UBASH3B: variants seen among roughly 807,000 people sequenced by gnomAD.
UBASH3B encodes the protein ubiquitin-associated and SH3 domain-containing protein B.
UBASH3B carries 37 observed loss-of-function variants against 83.4 expected under a neutral mutation model. That is an observed-to-expected ratio of 0.44 (90% CI 0.34 to 0.58). The LOEUF (loss-of-function observed/expected upper bound fraction) is 0.58, where lower values mean the gene tolerates loss of function less well. Among genes scored for constraint, UBASH3B ranks in the 20% least tolerant of loss-of-function variants. The pLI, the probability that UBASH3B is intolerant of heterozygous loss-of-function variation, is 0.01. For missense variants in UBASH3B, 657 were observed against 827.2 expected (o/e 0.79, Z 2.52); for synonymous variants, 304 against 318.3 (o/e 0.96, Z 0.48).
chr11:122,767,497 G>A (rs534144624), intron 1 of UBASH3B, among the ~76,000 whole-genome samples: 1 of 152,148 alleles, frequency 6.6e-6, no homozygotes, highest in South Asian at 2.1e-4. Context: ...TTTTTTAGTA[G>A]AGACGAGGTT....
chr11:122,789,577 G>A (rs569881914), intron 6 of UBASH3B, among the ~76,000 whole-genome samples: 11 of 152,286 alleles, frequency 7.2e-5, no homozygotes, highest in East Asian at 1.9e-4. Flanking sequence ...TCTTCTGGCC[G>A]AAGAGTGGCA....
intron 1 of UBASH3B, among the ~76,000 whole-genome samples, chr11:122,710,157 A>G (rs1044963872): frequency 6.6e-5 from 10 of 151,652 alleles, no homozygotes; most frequent in Admixed American, 4.6e-4. Flanking sequence ...CTGTCTCAAA[A>G]AAAAAAAAAA....
At chr11:122,766,063 C>T (rs1033804750) in intron 1 of UBASH3B, among the ~76,000 whole-genome samples, 3 of 152,058 alleles carry the variant, frequency 2.0e-5, no homozygotes, top group African/African-American at 4.8e-5. Context: ...AGGGAAGAAG[C>T]GAAAGGAGAG....
Position 122,796,196 on chromosome 11 carries a change from G to A in UBASH3B, c.1154G>A (p.Cys385Tyr). ...AGCCAGCCCGGCCCCCAGAAGCGAT[G>A]CCTTTTTGTGTGTCGGCATGGTGAG... ...VNSQPGPQKR[C>Y]LFVCRHGERM... is the part of the protein sequence containing the mutation. The change falls in exon 8 of 14, where the codon TGC (cysteine) becomes TAC (tyrosine). Residue 385 changes from cysteine (C) to tyrosine (Y), a missense_variant. Around this residue, in one of 3 missense-constraint regions of UBASH3B, gnomAD observed 573 missense variants for 739.0 expected, o/e 0.78. Coordinates refer to ENST00000284273, the MANE Select transcript of UBASH3B (RefSeq NM_032873.5). 3.7e-6 allele frequency: 6 copies of A among 1,614,150 alleles called. No individual in the cohort carries two copies. Among genetic ancestry groups the A allele is most frequent in the Non-Finnish European group, 5.1e-6 (6 of 1,180,012 alleles).
intron 1 of UBASH3B, among the ~76,000 whole-genome samples, chr11:122,752,507 G>A (rs1370256340): frequency 1.3e-5 from 2 of 152,172 alleles, no homozygotes; most frequent in South Asian, 2.1e-4. Flanking sequence ...AAGGCTTCTC[G>A]CCTCAGGAAG....
rs2135145603 is a variant in UBASH3B at position 122,779,565 on chromosome 11, G to A, written c.471G>A (p.Lys157=). Residue 157 remains lysine, a synonymous_variant, in exon 4 of 14, where the codon AAG becomes AAA. Transcript: ENST00000284273. The stretch of plus-strand genomic sequence containing the variant: ...CCACGGTCAGTCGCTGGAAATGTAA[G>A]TTCTCGGCCCCGCTGCCCCTGGAGC... ...LQTTVSRWKC[K]FSAPLPLELY... The A allele has an allele frequency of 6.2e-7, 1 of 1,614,162 alleles. No homozygotes were observed. The highest frequency in any genetic ancestry group is 1.7e-5 in the Admixed American group (1 of 60,008).
intron 10 of UBASH3B, among the ~76,000 whole-genome samples, chr11:122,799,738 A>G (rs924752573): frequency 5.9e-5 from 9 of 152,078 alleles, no homozygotes; most frequent in African/African-American, 2.2e-4. Context: ...TTTTTTCTTT[A>G]CTTAATTAGA....
At chr11:122,744,884 TGTGTGTGTGTGTGTGC>T (rs1228311538) in intron 1 of UBASH3B, among the ~76,000 whole-genome samples, 1 of 135,978 alleles carries the variant, frequency 7.4e-6, no homozygotes, top group African/African-American at 2.7e-5. Context: ...TGTGTGTGTG[TGTGTGTGTGTGTGTGC>T]GCGCGCGCGC....
In UBASH3B at chr11:122,810,486, C is replaced by G. The variant is rs1314892072; in HGVS notation, c.*600C>G. 6.6e-6 allele frequency: 1 copy of G among 152,620 alleles called. No individual in the cohort carries two copies. The highest frequency in any genetic ancestry group is 1.5e-5 in the Non-Finnish European group (1 of 68,062). The allele number at this position is 152,620 out of a possible 1,614,324, so 9.5% of individuals were successfully genotyped here. On this transcript the variant is annotated 3_prime_UTR_variant, in exon 14 of 14. Transcript: ENST00000284273. ...CCGCTTAAGGATGCTAACATTTACC[C>G]TGGTACTGCCACATTTTCTCTAGAG... is the stretch of plus-strand genomic sequence containing the variant.
intron 1 of UBASH3B, among the ~76,000 whole-genome samples, chr11:122,744,871 C>CTGTGTGTGTGTGTGTGTGTGTGTGTGTG (rs1472956565): frequency 3.8e-5 from 1 of 26,012 alleles, no homozygotes; most frequent in African/African-American, 1.7e-4. Context: ...ACATGTGTGA[C>CTGTGTGTGTGTGTGTGTGTGTGTGTGTG]TCTGTGTGTG....
intron 1 of UBASH3B, among the ~76,000 whole-genome samples, chr11:122,746,271 C>G (rs1017662001): frequency 6.6e-6 from 1 of 152,144 alleles, no homozygotes; most frequent in Admixed American, 6.5e-5. Context: ...GAAACTCACA[C>G]GTCTATGGGT....
chr11:122,695,066 C>T (rs892225962), intron 1 of UBASH3B, among the ~76,000 whole-genome samples: 6 of 142,190 alleles, frequency 4.2e-5, no homozygotes, highest in Admixed American at 1.5e-4. Flanking sequence ...CGGGTTCAAG[C>T]GATTCTCCTG....
At chr11:122,730,837 C>T (rs1445590789) in intron 1 of UBASH3B, among the ~76,000 whole-genome samples, 5 of 152,218 alleles carry the variant, frequency 3.3e-5, no homozygotes, top group Admixed American at 6.5e-5. Context: ...TCAGGTGATC[C>T]GCCCGCCTCG....
intron 1 of UBASH3B, among the ~76,000 whole-genome samples, chr11:122,760,275 G>A (rs879307737): frequency 2.6e-5 from 4 of 152,126 alleles, no homozygotes; most frequent in Non-Finnish European, 5.9e-5. Context: ...GCAAGTGAGT[G>A]TTAAAGGATA....
chr11:122,696,272 G>A (rs1040245463), intron 1 of UBASH3B, among the ~76,000 whole-genome samples: 2 of 151,684 alleles, frequency 1.3e-5, no homozygotes, highest in African/African-American at 4.8e-5. Context: ...TAATTTCTCG[G>A]TAATAAGCCG....
chr11:122,711,939 G>C (rs56164231), intron 1 of UBASH3B, among the ~76,000 whole-genome samples: 19,495 of 151,812 alleles, frequency 0.13, 1,405 homozygotes, highest in African/African-American at 0.18. Context: ...CCATACCAAA[G>C]AAAGGAATGT....
At chr11:122,772,326 G>T (rs114909187) in intron 1 of UBASH3B, among the ~76,000 whole-genome samples, 2,438 of 152,228 alleles carry the variant, frequency 0.016, 69 homozygotes, top group African/African-American at 0.056. Context: ...GCTCTCTAAG[G>T]GTAGGGACCA....
intron 1 of UBASH3B, among the ~76,000 whole-genome samples, chr11:122,717,091 T>C (rs897048651): frequency 6.6e-6 from 1 of 152,200 alleles, no homozygotes; most frequent in Admixed American, 6.5e-5. Flanking sequence ...CAGCCCATTC[T>C]CAGGGGGTTC....
intron 1 of UBASH3B, among the ~76,000 whole-genome samples, chr11:122,681,221 T>C (rs186194204): frequency 4.2e-4 from 64 of 152,372 alleles, no homozygotes; most frequent in African/African-American, 1.4e-3. Context: ...TTTGGTTTCT[T>C]ATCCATAACT....
Sources: gnomAD v4.1 joint callset for allele counts (sites outside exome capture counted in the v4.1 genomes callset) on GRCh38, gnomAD v4.1.1 for gene constraint, gnomAD v4.1.1 regional missense constraint, MANE v1.5 for transcripts, NCBI Gene and HGNC (gene_info 2026-07-23, HGNC 2026-07-21) for gene names.